The following GRIK2 variants were observed in gnomAD, a reference collection of about 807,000 sequenced individuals.
GRIK2 encodes the protein glutamate receptor ionotropic, kainate 2.
GRIK2 carries 32 observed loss-of-function variants against 100.3 expected under a neutral mutation model. The observed-to-expected ratio is 0.32, with a 90% CI of 0.24 to 0.43. GRIK2 has a LOEUF of 0.43. Ranked by LOEUF, GRIK2 falls within the 20% of genes least tolerant of loss-of-function variation. GRIK2 has a pLI of 1.00. For missense variants in GRIK2, 843 were observed against 1,114.9 expected (o/e 0.76, Z 3.47); for synonymous variants, 417 against 389.4 (o/e 1.07, Z -0.83).
chr6:101,785,504 G>C (rs775249871), intron 7 of GRIK2, among the ~76,000 whole-genome samples: 4 of 152,108 alleles, frequency 2.6e-5, no homozygotes, highest in African/African-American at 9.7e-5. Flanking sequence ...TATGATGAGA[G>C]ATAGGAGTCT....
At chr6:101,595,270 G>A (rs1001278320) in intron 2 of GRIK2, among the ~76,000 whole-genome samples, 1 of 151,636 alleles carries the variant, frequency 6.6e-6, no homozygotes, top group African/African-American at 2.4e-5. Flanking sequence ...GTACAGATCA[G>A]TTAGCAAACT....
chr6:101,818,792 G>A (rs534904773), intron 10 of GRIK2, among the ~76,000 whole-genome samples: 24 of 152,172 alleles, frequency 1.6e-4, no homozygotes, highest in Non-Finnish European at 2.5e-4. Flanking sequence ...TGAAAAATAC[G>A]TGCAGCTCTA....
At chr6:101,708,446 G>A (rs757551330) in intron 7 of GRIK2, among the ~76,000 whole-genome samples, 1 of 151,272 alleles carries the variant, frequency 6.6e-6, no homozygotes, top group South Asian at 2.1e-4. Context: ...TTCTGTTAGT[G>A]GTTTGATATA....
intron 11 of GRIK2, among the ~76,000 whole-genome samples, chr6:101,885,552 G>T (rs1786553828): frequency 6.6e-6 from 1 of 151,980 alleles, no homozygotes; most frequent in African/African-American, 2.4e-5. Flanking sequence ...ATCAATAGAG[G>T]TGAAAATCTT....
intron 4 of GRIK2, among the ~76,000 whole-genome samples, chr6:101,675,221 CA>C (rs1303326580): frequency 6.6e-6 from 1 of 151,760 alleles, no homozygotes; most frequent in Non-Finnish European, 1.5e-5. Flanking sequence ...CTCCTGTTTT[CA>C]AAAAGGTTAA....
At chr6:101,916,668 C>T (rs1313524778) in intron 12 of GRIK2, among the ~76,000 whole-genome samples, 1 of 151,534 alleles carries the variant, frequency 6.6e-6, no homozygotes, top group Non-Finnish European at 1.5e-5. Context: ...CTGTGCACTT[C>T]AGAGATACCT....
chr6:101,884,269 C>T (rs1157094560), intron 11 of GRIK2, among the ~76,000 whole-genome samples: 3 of 152,026 alleles, frequency 2.0e-5, no homozygotes, highest in Non-Finnish European at 4.4e-5. Context: ...CCAATTTATT[C>T]GTATGAACTT....
At chr6:101,703,588 T>A (rs1281353244) in intron 7 of GRIK2, among the ~76,000 whole-genome samples, 1 of 151,792 alleles carries the variant, frequency 6.6e-6, no homozygotes, top group Admixed American at 6.6e-5. Flanking sequence ...CAAGTCTAAC[T>A]AGTTATTTCA....
chr6:101,877,027 T>C (rs1039089033), intron 11 of GRIK2, among the ~76,000 whole-genome samples: 5 of 151,970 alleles, frequency 3.3e-5, no homozygotes, highest in Non-Finnish European at 5.9e-5. Flanking sequence ...ACTAGCATTC[T>C]GATATGCTTT....
intron 2 of GRIK2, among the ~76,000 whole-genome samples, chr6:101,454,605 A>T (rs1234095157): frequency 6.6e-6 from 1 of 152,130 alleles, no homozygotes; most frequent in African/African-American, 2.4e-5. Context: ...TGCTTGTCCT[A>T]TACTGAGATT....
chr6:102,007,932 A>G (rs934057157), intron 14 of GRIK2, among the ~76,000 whole-genome samples: 1 of 152,106 alleles, frequency 6.6e-6, no homozygotes, highest in Non-Finnish European at 1.5e-5. Flanking sequence ...GGTTCCATTA[A>G]CACATTATTA....
intron 2 of GRIK2, among the ~76,000 whole-genome samples, chr6:101,526,438 A>G (rs1348244479): frequency 2.6e-5 from 4 of 152,220 alleles, no homozygotes; most frequent in African/African-American, 7.2e-5. Context: ...ATAAACATAA[A>G]TTAGTTTTAA....
chr6:101,394,465 A>T (rs906645596), intron 1 of GRIK2, among the ~76,000 whole-genome samples: 4 of 152,170 alleles, frequency 2.6e-5, no homozygotes, highest in African/African-American at 9.7e-5. Context: ...ACCAAACAAC[A>T]CGACCGAGCT....
chr6:102,006,212 T>TAAA (rs1230986656), intron 14 of GRIK2, among the ~76,000 whole-genome samples: 1 of 151,674 alleles, frequency 6.6e-6, no homozygotes, highest in Non-Finnish European at 1.5e-5. Flanking sequence ...CATTGTGTAA[T>TAAA]AAAAAATAAA....
At chr6:101,480,603 T>G (rs1408537859) in intron 2 of GRIK2, among the ~76,000 whole-genome samples, 5 of 152,106 alleles carry the variant, frequency 3.3e-5, no homozygotes, top group Non-Finnish European at 7.4e-5. Context: ...ACAAAGAAAA[T>G]TTCCTCCCTA....
intron 14 of GRIK2, among the ~76,000 whole-genome samples, chr6:101,967,039 T>G (rs1792724430): frequency 6.6e-6 from 1 of 151,970 alleles, no homozygotes; most frequent in Non-Finnish European, 1.5e-5. Flanking sequence ...TGACAAACTA[T>G]AAAACAAAAT....
chr6:101,458,403 T>G (rs1338474365), intron 2 of GRIK2, among the ~76,000 whole-genome samples: 1 of 152,206 alleles, frequency 6.6e-6, no homozygotes, highest in Admixed American at 6.5e-5. Context: ...ATTTTTCAAA[T>G]TTTGGTATAC....
intron 7 of GRIK2, among the ~76,000 whole-genome samples, chr6:101,779,221 G>A (rs1562378675): frequency 6.6e-6 from 1 of 151,986 alleles, no homozygotes; most frequent in East Asian, 1.9e-4. Flanking sequence ...GGATGGAATA[G>A]TACTGAGTGA....
chr6:101,892,281 G>A (rs1347147452), intron 12 of GRIK2, among the ~76,000 whole-genome samples: 3 of 152,142 alleles, frequency 2.0e-5, no homozygotes, highest in Non-Finnish European at 4.4e-5. Flanking sequence ...GGCTTTTGAA[G>A]TTAGATTCAA....
Sources: gnomAD v4.1 joint callset for allele counts (sites outside exome capture counted in the v4.1 genomes callset) on GRCh38, gnomAD v4.1.1 for gene constraint, MANE v1.5 for transcripts, NCBI Gene and HGNC (gene_info 2026-07-23, HGNC 2026-07-21) for gene names.